The following DNAH17 variants were observed in gnomAD, a reference collection of about 807,000 sequenced individuals.
DNAH17 encodes axonemal beta dynein heavy chain 17.
In DNAH17, 376 loss-of-function variants were observed where a neutral mutation model predicts 485.6. That is an observed-to-expected ratio of 0.77 (90% CI 0.71 to 0.84). DNAH17 has a LOEUF of 0.84. Among genes scored for constraint, DNAH17 ranks in the 40% least tolerant of loss-of-function variants. DNAH17 has a pLI of 0.00. For synonymous variants in DNAH17, 3,031 were observed against 2,405.9 expected (o/e 1.26, Z -7.60); for missense variants, 6,370 against 5,839.3 (o/e 1.09, Z -2.96).
chr17:78,482,981 G>C (rs2089416833), intron 48 of DNAH17, among the ~76,000 whole-genome samples: 1 of 152,250 alleles, frequency 6.6e-6, no homozygotes, highest in South Asian at 2.1e-4. Context: ...CCCTTGGAAG[G>C]GGCCTCGCGA....
chr17:78,546,953 G>T (rs2091780323), intron 16 of DNAH17, among the ~76,000 whole-genome samples: 1 of 151,924 alleles, frequency 6.6e-6, no homozygotes, highest in Admixed American at 6.6e-5. Context: ...CCACGTTTAG[G>T]AATTCAGGAT....
In DNAH17 at chr17:78,507,646, C is replaced by G. The variant is rs1202903668; in HGVS notation, c.4396G>C (p.Ala1466Pro). ...LQNLMMSKYL[A>P]HFLKEVTSWQ... ...CTTGTCACCTCCTTCAGGAAGTGGG[C>G]CAGGTACTTGGACATCATCAGGTTC... The change falls in exon 28 of 81, where the codon GCC (alanine) becomes CCC (proline). Residue 1466 changes from alanine (A) to proline (P), a missense_variant. Physicochemically the swap from Ala to Pro is conservative, Grantham distance 27. Coordinates refer to ENST00000389840, the MANE Select transcript of DNAH17 (RefSeq NM_173628.4). 6.2e-7 allele frequency: 1 copy of G among 1,613,858 alleles called. No homozygotes were observed. The highest frequency in any genetic ancestry group is 8.5e-7 in the Non-Finnish European group (1 of 1,180,022).
At chr17:78,460,521 C>T (rs911429559) in intron 58 of DNAH17, among the ~76,000 whole-genome samples, 6 of 152,226 alleles carry the variant, frequency 3.9e-5, no homozygotes, top group Non-Finnish European at 1.5e-5. Flanking sequence ...GCTGCCCCTC[C>T]GGCCACCACT....
chr17:78,553,306 TTTTTTTTTTTTTTA>T lies in DNAH17; in HGVS notation c.2179-515_2179-502del, dbSNP rs1332672489. Among the ~76,000 whole-genome samples the T allele has an allele frequency of 1.2e-3, 89 of 73,722 alleles. 5 individuals are homozygous for T. The highest frequency in any genetic ancestry group is 5.5e-3 in the Middle Eastern group (1 of 182). 48.4% of individuals were successfully genotyped at this position (73,722 alleles called of 152,430 possible). Reference sequence around the variant, plus strand: ...GTGTTTTTTTTTTTTTTTTTTTTTTTTTTTTTTTTTTTTAAGATGGAGTCTCACTCTGTCACCCA... The same window carrying T: ...GTGTTTTTTTTTTTTTTTTTTTTTTTAGATGGAGTCTCACTCTGTCACCCA... On this transcript the variant is annotated intron_variant, in intron 14 of 80. Coordinates refer to ENST00000389840, the MANE Select transcript of DNAH17 (RefSeq NM_173628.4).
intron 74 of DNAH17, among the ~76,000 whole-genome samples, chr17:78,434,645 A>AGGATGGG (rs999096195): frequency 6.7e-6 from 1 of 148,270 alleles, no homozygotes; most frequent in African/African-American, 2.5e-5. Flanking sequence ...GATGGGATAG[A>AGGATGGG]GGATGGGGGA....
rs754660777 is a variant in DNAH17 at position 78,485,760 on chromosome 17, G to GGT, written c.7276-4_7276-3insAC. 2.5e-6 allele frequency: 4 copies of GGT among 1,608,598 alleles called. No homozygotes were observed. Among genetic ancestry groups the GGT allele is most frequent in the Middle Eastern group, 3.3e-4 (2 of 6,052 alleles). On this transcript the variant is annotated splice_region_variant and splice_polypyrimidine_tract_variant and intron_variant, in intron 46 of 80. Coordinates refer to ENST00000389840, the MANE Select transcript of DNAH17 (RefSeq NM_173628.4). Reference sequence around the variant, plus strand: ...TCCGTGGTGTGGACCAAAGAGGCCTGGGGCAGGGGAGGGAAGGGGAGGGAG... The same window carrying GGT: ...TCCGTGGTGTGGACCAAAGAGGCCTGGTGGGCAGGGGAGGGAAGGGGAGGGAG...
chr17:78,501,077 C>A (rs1461174237), intron 35 of DNAH17, 107 bp downstream of exon 35: 13 of 1,327,538 alleles, frequency 9.8e-6, no homozygotes, highest in African/African-American at 1.5e-5. Context: ...ACGCAAATGC[C>A]CAGTCCTTCC....
intron 17 of DNAH17, among the ~76,000 whole-genome samples, chr17:78,542,114 ACCG>A (rs201518617): frequency 2.9e-4 from 12 of 41,728 alleles, no homozygotes; most frequent in East Asian, 5.4e-4. Context: ...CCCACTGGAA[ACCG>A]CCCCCCCCAA....
intron 43 of DNAH17, among the ~76,000 whole-genome samples, chr17:78,491,067 A>G (rs920452440): frequency 2.6e-5 from 4 of 152,196 alleles, no homozygotes; most frequent in African/African-American, 9.7e-5. Flanking sequence ...GGGCTGCAGC[A>G]TGGAGTCAGG....
At chr17:78,488,776 C>G (rs1446581201) in intron 44 of DNAH17, among the ~76,000 whole-genome samples, 1 of 152,030 alleles carries the variant, frequency 6.6e-6, no homozygotes, top group African/African-American at 2.4e-5. Flanking sequence ...ATGACTGTGT[C>G]CTTATAAGCA....
At chr17:78,543,376 C>T (rs1280313842) in intron 17 of DNAH17, among the ~76,000 whole-genome samples, 8 of 152,028 alleles carry the variant, frequency 5.3e-5, no homozygotes, top group African/African-American at 1.4e-4. Flanking sequence ...CTGCAAGCTC[C>T]GCTTCCCGGG....
In DNAH17 at chr17:78,485,214, A is replaced by G. The variant is rs370606799; in HGVS notation, c.7484-181T>C. On this transcript the variant is annotated intron_variant, in intron 47 of 80. Coordinates refer to ENST00000389840, the MANE Select transcript of DNAH17 (RefSeq NM_173628.4). ...GGGGGCACCGGGTACAGCCCCAGGA[A>G]TAAACAGAGCGATCAGAGGCGAGGG... 42 of 758,734 alleles carry G rather than the reference A, an allele frequency of 5.5e-5. No homozygotes were observed. The African/African-American group carries it at 7.2e-4, about 13-fold the overall frequency. The allele number at this position is 758,734 out of a possible 1,614,324, so 47.0% of individuals were successfully genotyped here.
At chr17:78,534,738 C>A (rs1266519484) in intron 19 of DNAH17, among the ~76,000 whole-genome samples, 1 of 152,186 alleles carries the variant, frequency 6.6e-6, no homozygotes, top group Non-Finnish European at 1.5e-5. Flanking sequence ...ATACCAGAGG[C>A]AGGTGAGACC....
rs548695076 is a variant in DNAH17 at position 78,486,645 on chromosome 17, G to A, written c.6819-139C>T. ...GGGTCACCATGCCTGCATGGCAATG[G>A]GTCCAAACGAGGGTGCCAGAGGGGC... On this transcript the variant is annotated intron_variant, in intron 44 of 80. Coordinates refer to ENST00000389840, the MANE Select transcript of DNAH17 (RefSeq NM_173628.4). 4.4e-6 allele frequency: 5 copies of A among 1,132,460 alleles called. No homozygotes were observed. The South Asian group carries it at 4.9e-5, about 11-fold the overall frequency. The allele number at this position is 1,132,460 out of a possible 1,614,324, so 70.2% of individuals were successfully genotyped here.
At chr17:78,432,901 T>TC (rs2086725801) in intron 75 of DNAH17, among the ~76,000 whole-genome samples, 2 of 58,576 alleles carry the variant, frequency 3.4e-5, no homozygotes, top group Admixed American at 1.9e-4. Flanking sequence ...GCTTCAAACG[T>TC]GCCCCCCCCC....
At chr17:78,522,380 A>G in intron 25 of DNAH17, 2 of 286,022 alleles carry the variant, frequency 7.0e-6, no homozygotes, top group East Asian at 1.3e-4. Flanking sequence ...GAGGAAGAGG[A>G]AGAGGGACTT....
intron 1 of DNAH17, among the ~76,000 whole-genome samples, chr17:78,575,669 A>G (rs1178601947): frequency 6.6e-6 from 1 of 152,124 alleles, no homozygotes; most frequent in East Asian, 1.9e-4. Flanking sequence ...ATCGAGCTGC[A>G]AATTCCTGAC....
rs954206426 is a variant in DNAH17 at position 78,532,110 on chromosome 17, A to G, written c.3114+372T>C. On this transcript the variant is annotated intron_variant, in intron 20 of 80. Transcript: ENST00000389840. The stretch of plus-strand genomic sequence containing the variant: ...TCATCTCCCTGAGGTCAGGTACCAG[A>G]CAGCCCCTATAGCCTAGAGCCTGCT... Among the ~76,000 whole-genome samples the G allele has an allele frequency of 2.6e-5, 4 of 152,122 alleles. No individual in the cohort carries two copies. In the East Asian group the frequency reaches 5.8e-4, roughly 22 times the overall value.
intron 72 of DNAH17, among the ~76,000 whole-genome samples, chr17:78,440,787 A>C (rs1445749325): frequency 6.6e-6 from 1 of 152,160 alleles, no homozygotes; most frequent in Non-Finnish European, 1.5e-5. Flanking sequence ...CCAATTCTAT[A>C]TGTAACTTAC....
Sources: allele counts gnomAD v4.1 joint callset (sites outside exome capture counted in the v4.1 genomes callset), GRCh38; gene constraint gnomAD v4.1.1; transcripts MANE v1.5; gene names NCBI Gene and HGNC (gene_info 2026-07-23, HGNC 2026-07-21).